Variants in CCDC175 observed in about 807,000 individuals in gnomAD.
CCDC175 encodes the protein coiled-coil domain containing 175, also known as coiled-coil domain-containing protein 175.
Under a neutral mutation model 114.6 loss-of-function variants are expected in CCDC175, and 100 were observed. The observed-to-expected ratio is 0.87, with a 90% confidence interval of 0.74 to 1.03. The LOEUF is 1.03. Among genes scored for constraint, CCDC175 ranks in the 50% least tolerant of loss-of-function variants. The probability of loss-of-function intolerance (pLI) is 0.00; values close to 1 mark genes in which losing one functional copy is unlikely to be tolerated. For missense variants in CCDC175, 880 were observed against 917.8 expected (o/e 0.96, Z 0.53); for synonymous variants, 306 against 308.7 (o/e 0.99, Z 0.09).
intron 3 of CCDC175, among the ~76,000 whole-genome samples, chr14:59,568,740 T>G (rs572917446): frequency 1.3e-5 from 2 of 152,202 alleles, no homozygotes; most frequent in East Asian, 3.9e-4. Flanking sequence ...GTACAAGAGG[T>G]AGGGCAAGCA....
chr14:59,565,348 A>C, intron 4 of CCDC175, 73 bp from the exon 5 acceptor site: 2 of 1,168,564 alleles, frequency 1.7e-6, no homozygotes, highest in Non-Finnish European at 2.4e-6. Context: ...TGGTGAGAAG[A>C]GCCCTCAGCA....
At chr14:59,506,789 C>A (rs4435173) in intron 19 of CCDC175, among the ~76,000 whole-genome samples, 86,708 of 152,070 alleles carry the variant, frequency 0.57, 26,533 homozygotes, top group East Asian at 0.82. Flanking sequence ...ATGATTGTAT[C>A]AAGCCCCTCA....
At position 59,526,939 on chromosome 14, in the gene CCDC175, T is replaced by G. The variant is rs560465397; in HGVS notation, c.1842+156A>C. Reference sequence around the variant, plus strand: ...GTATGTGTATACATGTGCATATATATGTGTTATAACAAAGATTGTTAAACA... The same window carrying G: ...GTATGTGTATACATGTGCATATATAGGTGTTATAACAAAGATTGTTAAACA... On this transcript the variant is annotated intron_variant, in intron 15 of 19. Transcript: ENST00000537690. Among the ~76,000 whole-genome samples the G allele has an allele frequency of 3.9e-5, 6 of 152,362 alleles. No homozygotes were observed. The South Asian group carries it at 1.2e-3, about 32-fold the overall frequency.
intron 3 of CCDC175, among the ~76,000 whole-genome samples, chr14:59,569,475 G>A (rs1896729979): frequency 6.6e-6 from 1 of 152,186 alleles, no homozygotes; most frequent in South Asian, 2.1e-4. Flanking sequence ...AACTAAATTT[G>A]CATGGTTAAG....
At chr14:59,554,162 G>A (rs7401489) in intron 7 of CCDC175, among the ~76,000 whole-genome samples, 88,730 of 152,046 alleles carry the variant, frequency 0.58, 26,811 homozygotes, top group East Asian at 0.83. Flanking sequence ...CAGAATATAC[G>A]TTCTTCTCAG....
chr14:59,518,084 TTAA>T (rs1482393885), intron 17 of CCDC175, among the ~76,000 whole-genome samples: 2 of 152,194 alleles, frequency 1.3e-5, no homozygotes, highest in Non-Finnish European at 2.9e-5. Flanking sequence ...GATTCCCTAT[TTAA>T]TAATTAGTGC....
At chr14:59,529,022 C>CTGGA (rs1285021383) in intron 14 of CCDC175, among the ~76,000 whole-genome samples, 1 of 152,192 alleles carries the variant, frequency 6.6e-6, no homozygotes, top group Non-Finnish European at 1.5e-5. Context: ...CTCTTTCACA[C>CTGGA]TGGATGCTTC....
At chr14:59,557,862 T>C (rs926814294) in intron 7 of CCDC175, among the ~76,000 whole-genome samples, 2 of 152,106 alleles carry the variant, frequency 1.3e-5, no homozygotes, top group Non-Finnish European at 2.9e-5. Flanking sequence ...ATACAGCATA[T>C]GCAAGGTCCC....
At chr14:59,520,109 G>A (rs1893338360) in intron 17 of CCDC175, among the ~76,000 whole-genome samples, 1 of 152,210 alleles carries the variant, frequency 6.6e-6, no homozygotes, top group Non-Finnish European at 1.5e-5. Flanking sequence ...CATTTTGTGA[G>A]CAAAGTAAAT....
At chr14:59,558,807 G>A (rs1175063947) in intron 7 of CCDC175, among the ~76,000 whole-genome samples, 1 of 152,096 alleles carries the variant, frequency 6.6e-6, no homozygotes, top group Non-Finnish European at 1.5e-5. Flanking sequence ...TTAAAGCCAC[G>A]AGACTGAATA....
chr14:59,538,722 T>G lies in CCDC175; in HGVS notation c.1474A>C (p.Ile492Leu), dbSNP rs1894566632. Residue 492 changes from isoleucine to leucine, a missense_variant, in exon 12 of 20, where the codon ATT (isoleucine) becomes CTT (leucine). Ile to Leu is a conservative substitution (Grantham distance 5). Transcript: ENST00000537690. ...TCTCTTACCTCGTTAAGTAATTCAA[T>G]TCGTCTAACTTCTGCATTCTGAATT... The part of the protein sequence containing the change: ...EKIQNAEVRR[I>L]ELLNETSFRQ... 3 of 1,535,584 alleles carry G rather than the reference T, an allele frequency of 2.0e-6. No individual in the cohort carries two copies. Among genetic ancestry groups the G allele is most frequent in the Non-Finnish European group, 2.6e-6 (3 of 1,146,378 alleles).
At chr14:59,510,514 T>C (rs112555934) in intron 19 of CCDC175, 132 bp downstream of exon 19, 41,595 of 870,542 alleles carry the variant, frequency 0.048, 1,195 homozygotes, top group Non-Finnish European at 0.059. Context: ...CAATGTTCAA[T>C]TGAATGTTTG....
chr14:59,509,521 C>T (rs774587140), intron 19 of CCDC175, among the ~76,000 whole-genome samples: 3 of 152,104 alleles, frequency 2.0e-5, no homozygotes, highest in Non-Finnish European at 4.4e-5. Flanking sequence ...CCTCTTTTTA[C>T]ATTTATTTTA....
chr14:59,506,491 T>C (rs1594964668), intron 19 of CCDC175, among the ~76,000 whole-genome samples: 5 of 152,202 alleles, frequency 3.3e-5, no homozygotes, highest in Admixed American at 3.3e-4. Flanking sequence ...TTTCACCCTG[T>C]TGGTCAGGCT....
chr14:59,573,209 A>G (rs1257559213), intron 2 of CCDC175, among the ~76,000 whole-genome samples: 1 of 152,216 alleles, frequency 6.6e-6, no homozygotes, highest in African/African-American at 2.4e-5. Flanking sequence ...ATACACACCT[A>G]CAAACCCAAA....
chr14:59,576,504 T>G lies in CCDC175; in HGVS notation c.157+115A>C, dbSNP rs919748078. 2.5e-5 allele frequency: 26 copies of G among 1,021,804 alleles called. No homozygotes were observed. The African/African-American group carries it at 3.9e-4, about 15-fold the overall frequency. The allele number at this position is 1,021,804 out of a possible 1,614,324, so 63.3% of individuals were successfully genotyped here. A position where few individuals can be genotyped will look rare whatever the true frequency, so the allele number is the denominator to read the frequency against. ...AAGGAGCGGGGAGAAGGCTCTGCCC[T>G]GCCCAGTGATGCCCTGGTTCCGGGA... On this transcript the variant is annotated intron_variant, in intron 1 of 19. Transcript: ENST00000537690.
At chr14:59,567,851 T>C (rs1199764189) in intron 4 of CCDC175, among the ~76,000 whole-genome samples, 1 of 152,222 alleles carries the variant, frequency 6.6e-6, no homozygotes, top group Non-Finnish European at 1.5e-5. Context: ...AGATTTACAA[T>C]ATAATCCCTG....
intron 7 of CCDC175, among the ~76,000 whole-genome samples, chr14:59,557,631 G>GAA (rs11396655): frequency 1.3e-4 from 19 of 144,782 alleles, no homozygotes; most frequent in Admixed American, 1.4e-4. Flanking sequence ...AAAAGAAAAA[G>GAA]AAAAAAAAAA....
At chr14:59,550,327 T>C (rs556683810) in intron 8 of CCDC175, among the ~76,000 whole-genome samples, 7 of 152,296 alleles carry the variant, frequency 4.6e-5, no homozygotes, top group Admixed American at 3.3e-4. Context: ...ACCCCCAATT[T>C]TTCACTATCC....
Sources: allele counts gnomAD v4.1 joint callset (sites outside exome capture counted in the v4.1 genomes callset), GRCh38; gene constraint gnomAD v4.1.1; transcripts MANE v1.5; gene names NCBI Gene and HGNC (gene_info 2026-07-23, HGNC 2026-07-21).